The following FBXL17 variants were observed in gnomAD, a reference collection of about 807,000 sequenced individuals.
The protein encoded by FBXL17 is F-box and leucine rich repeat protein 17, also known as F-box/LRR-repeat protein 17.
Under a neutral mutation model 66.2 loss-of-function variants are expected in FBXL17, and 22 were observed. The ratio of observed to expected loss-of-function variants is 0.33; its 90% CI spans 0.24 to 0.47. The LOEUF (loss-of-function observed/expected upper bound fraction) is 0.47. FBXL17 is among the 20% of genes least tolerant of loss of function. The pLI, the probability that FBXL17 is intolerant of heterozygous loss-of-function variation, is 1.00. For synonymous variants in FBXL17, 474 were observed against 400.5 expected, an observed-to-expected ratio of 1.18 and a Z score of -2.19; for missense variants, 878 against 948.2, an observed-to-expected ratio of 0.93 and a Z score of 0.97.
intron 6 of FBXL17, among the ~76,000 whole-genome samples, chr5:108,110,565 C>A (rs997189247): frequency 6.6e-6 from 1 of 151,848 alleles, no homozygotes; most frequent in African/African-American, 2.4e-5. Flanking sequence ...TATTTAGAAC[C>A]CTAGTTTCCA....
chr5:107,867,329 TG>T (rs1748305315), intron 8 of FBXL17, among the ~76,000 whole-genome samples: 2 of 152,234 alleles, frequency 1.3e-5, no homozygotes, highest in South Asian at 4.1e-4. Flanking sequence ...CAAGTTTTGC[TG>T]GGTCATGTGG....
At chr5:107,868,785 G>A (rs140450043) in intron 8 of FBXL17, among the ~76,000 whole-genome samples, 130 of 152,336 alleles carry the variant, frequency 8.5e-4, no homozygotes, top group African/African-American at 3.0e-3. Context: ...CAAATGAAGT[G>A]ATATTTCAGT....
intron 4 of FBXL17, among the ~76,000 whole-genome samples, chr5:108,246,835 A>G (rs970029564): frequency 6.6e-6 from 1 of 152,362 alleles, no homozygotes; most frequent in Admixed American, 6.5e-5. Flanking sequence ...TTCATTTAAG[A>G]AACAAAATCA....
At chr5:108,045,880 T>A (rs1747234992) in intron 6 of FBXL17, among the ~76,000 whole-genome samples, 1 of 152,200 alleles carries the variant, frequency 6.6e-6, no homozygotes, top group South Asian at 2.1e-4. Flanking sequence ...TGGCTCGGGA[T>A]ATAGTGTGTT....
Position 108,381,394 on chromosome 5 carries a change from G to C in FBXL17, c.298C>G (p.Leu100Val). Residue 100 changes from leucine to valine, a missense_variant, in exon 1 of 9, where the codon CTG becomes GTG. Around this residue, in one of 4 missense-constraint regions of FBXL17, gnomAD observed 605 missense variants for 509.5 expected, o/e 1.19. Coordinates refer to ENST00000542267, the MANE Select transcript of FBXL17 (RefSeq NM_001163315.3). ...GCCAGGGCCGCGTAGCGCCGCGCCA[G>C]GTGCTGAGAGGAGGAGGCGGCAGCG... ...AYAAASSSQH[L>V]ARRYAALAAE... 7.6e-7 allele frequency: 1 copy of C among 1,320,680 alleles called. No individual in the cohort carries two copies. Among genetic ancestry groups the C allele is most frequent in the Non-Finnish European group, 9.6e-7 (1 of 1,043,914 alleles). The allele number at this position is 1,320,680 out of a possible 1,614,324, so 81.8% of individuals were successfully genotyped here.
At chr5:108,126,614 T>C (rs1016302756) in intron 6 of FBXL17, among the ~76,000 whole-genome samples, 2 of 116,382 alleles carry the variant, frequency 1.7e-5, no homozygotes, top group African/African-American at 3.1e-5. Context: ...TATATAAGAT[T>C]ATCTCTCTGT....
chr5:107,916,041 G>T (rs748432724), intron 7 of FBXL17, among the ~76,000 whole-genome samples: 1 of 152,136 alleles, frequency 6.6e-6, no homozygotes, highest in Non-Finnish European at 1.5e-5. Context: ...TTCTGATGGG[G>T]CAGTCTAATA....
At chr5:108,291,735 A>C (rs1758120958) in intron 4 of FBXL17, among the ~76,000 whole-genome samples, 1 of 152,058 alleles carries the variant, frequency 6.6e-6, no homozygotes, top group Admixed American at 6.5e-5. Flanking sequence ...TTACTACTGA[A>C]GTCCTCCCAT....
At chr5:108,310,852 T>C (rs1324504725) in intron 4 of FBXL17, among the ~76,000 whole-genome samples, 1 of 152,308 alleles carries the variant, frequency 6.6e-6, no homozygotes, top group South Asian at 2.1e-4. Flanking sequence ...TACATATGAA[T>C]TGCCTCCAGC....
chr5:108,044,989 T>C (rs1580366547), intron 6 of FBXL17, among the ~76,000 whole-genome samples: 1 of 152,182 alleles, frequency 6.6e-6, no homozygotes, highest in Non-Finnish European at 1.5e-5. Flanking sequence ...TAATATCTCG[T>C]TTCATTCCTG....
intron 2 of FBXL17, among the ~76,000 whole-genome samples, chr5:108,366,506 T>TA (rs1207225861): frequency 2.1e-5 from 3 of 146,230 alleles, no homozygotes; most frequent in Non-Finnish European, 4.5e-5. Flanking sequence ...AACTCTGACA[T>TA]ACCTCTCCTT....
chr5:108,281,213 C>T (rs1009554915), intron 4 of FBXL17, among the ~76,000 whole-genome samples: 2 of 151,958 alleles, frequency 1.3e-5, no homozygotes, highest in African/African-American at 4.8e-5. Context: ...GCAGAATATA[C>T]ATTCTTTTCA....
At chr5:107,987,265 T>A (rs1753049760) in intron 7 of FBXL17, among the ~76,000 whole-genome samples, 1 of 149,768 alleles carries the variant, frequency 6.7e-6, no homozygotes, top group East Asian at 2.0e-4. Flanking sequence ...GTAGTATGGA[T>A]TTTCAGCTTC....
rs191390305 is a variant in FBXL17 at position 108,321,076 on chromosome 5, A to T, written c.1506+27323T>A. Among the ~76,000 whole-genome samples, 157 of 151,946 alleles carry T rather than the reference A, an allele frequency of 1.0e-3. 1 individual carries two copies. Among genetic ancestry groups the T allele is most frequent in the South Asian group, 3.3e-3 (16 of 4,818 alleles). On this transcript the variant is annotated intron_variant, in intron 4 of 8. Transcript: ENST00000542267. Reference sequence around the variant, plus strand: ...TCATGTTGCCTAACCATAGATGCTTATAAGAAATTATTTTTTTCTGATAAT... The same window carrying T: ...TCATGTTGCCTAACCATAGATGCTTTTAAGAAATTATTTTTTTCTGATAAT...
At chr5:108,004,395 G>T (rs1179585214) in intron 7 of FBXL17, among the ~76,000 whole-genome samples, 1 of 152,034 alleles carries the variant, frequency 6.6e-6, no homozygotes, top group African/African-American at 2.4e-5. Flanking sequence ...GCTTATGCAA[G>T]AAATTAATAA....
chr5:108,015,035 TATGG>T (rs1754328601), intron 7 of FBXL17, among the ~76,000 whole-genome samples: 1 of 152,088 alleles, frequency 6.6e-6, no homozygotes, highest in Non-Finnish European at 1.5e-5. Context: ...ACATGGAAAT[TATGG>T]GAGCTACAAT....
At chr5:108,123,345 G>A (rs1221088241) in intron 6 of FBXL17, among the ~76,000 whole-genome samples, 1 of 151,978 alleles carries the variant, frequency 6.6e-6, no homozygotes, top group African/African-American at 2.4e-5. Context: ...GCTCTTGAAA[G>A]CAAGATCGAG....
At chr5:108,068,575 C>A (rs968001261) in intron 6 of FBXL17, among the ~76,000 whole-genome samples, 2 of 152,074 alleles carry the variant, frequency 1.3e-5, no homozygotes, top group African/African-American at 4.8e-5. Context: ...CCCACCTCAG[C>A]CCCCTGAGTA....
chr5:108,033,302 A>G (rs1746711718), intron 6 of FBXL17, among the ~76,000 whole-genome samples: 1 of 152,188 alleles, frequency 6.6e-6, no homozygotes, highest in African/African-American at 2.4e-5. Context: ...TAAACACTTT[A>G]GCATACACAT....
Sources: allele counts gnomAD v4.1 joint callset (sites outside exome capture counted in the v4.1 genomes callset), GRCh38; gene constraint gnomAD v4.1.1; regional missense constraint gnomAD v4.1.1; transcripts MANE v1.5; gene names NCBI Gene and HGNC (gene_info 2026-07-23, HGNC 2026-07-21).